The following ETV1 variants were observed in gnomAD, a reference collection of about 807,000 sequenced individuals.
ETV1 encodes ETS translocation variant 1.
In ETV1, 27 loss-of-function variants were observed where a neutral mutation model predicts 62.3. The ratio of observed to expected loss-of-function variants is 0.43; its 90% CI spans 0.32 to 0.60. ETV1 has a LOEUF of 0.60. ETV1 is among the 20% of genes least tolerant of loss of function. ETV1 has a pLI of 0.06. For synonymous variants in ETV1, 222 were observed against 199.6 expected (o/e 1.11, Z -0.94); for missense variants, 605 against 605.8 (o/e 1.00, Z 0.01).
intron 5 of ETV1, chr7:13,985,979 C>A (rs1461159034): frequency 7.2e-6 from 5 of 694,158 alleles, no homozygotes; most frequent in Admixed American, 6.0e-5. Context: ...TAAATAAATC[C>A]TAATAAAACT....
chr7:13,943,718 C>T (rs1191163663), intron 6 of ETV1, among the ~76,000 whole-genome samples: 2 of 151,924 alleles, frequency 1.3e-5, no homozygotes, highest in South Asian at 2.1e-4. Flanking sequence ...AACAGATGAT[C>T]TCACAGGTAC....
At position 13,900,859 on chromosome 7, in the gene ETV1, C is replaced by T. The variant is rs1230330052; in HGVS notation, c.1111-20G>A. 3 of 1,510,372 alleles carry T rather than the reference C, an allele frequency of 2.0e-6. No homozygotes were observed. The highest frequency in any genetic ancestry group is 2.7e-6 in the Non-Finnish European group (3 of 1,096,882). 93.6% of individuals were successfully genotyped at this position (1,510,372 alleles called of 1,614,324 possible). Reference sequence around the variant, plus strand: ...GGCCACCTGCCGCGAAACAGAATTACATTGTAGTGTTAAGTATTAACTTAT... The same window carrying T: ...GGCCACCTGCCGCGAAACAGAATTATATTGTAGTGTTAAGTATTAACTTAT... On this transcript the variant is annotated intron_variant, in intron 12 of 13. Transcript: ENST00000430479.
chr7:13,914,362 G>A (rs1472077065), intron 9 of ETV1, among the ~76,000 whole-genome samples: 1 of 151,968 alleles, frequency 6.6e-6, no homozygotes, highest in Non-Finnish European at 1.5e-5. Flanking sequence ...TGACATATTA[G>A]TACTGGCCAA....
rs78626843 is a variant in ETV1, at chr7:13,974,964, G to C, written c.235+2463C>G. On this transcript the variant is annotated intron_variant, in intron 6 of 13. Transcript: ENST00000430479. ...GCACAGGGACACTAGCAGGGATCAG[G>C]TGAGGATGTCCAATGGACAGCTTCG... The C allele has an allele frequency of 4.9e-3, 750 of 152,706 alleles. 6 individuals are homozygous for C. Among genetic ancestry groups the C allele is most frequent in the African/African-American group, 0.017 (706 of 41,614 alleles). The allele number at this position is 152,706 out of a possible 1,614,324, so 9.5% of individuals were successfully genotyped here.
chr7:13,911,354 G>T (rs768418090), intron 9 of ETV1, 47 bp from the exon 10 acceptor site: 2 of 1,365,168 alleles, frequency 1.5e-6, no homozygotes, highest in Non-Finnish European at 2.1e-6. Context: ...GAGCTGAAAC[G>T]CTGCGGTTAT....
At chr7:13,913,842 C>A (rs976713919) in intron 9 of ETV1, among the ~76,000 whole-genome samples, 1 of 149,848 alleles carries the variant, frequency 6.7e-6, no homozygotes, top group African/African-American at 2.5e-5. Context: ...TTAAGCCAGA[C>A]TCTCCAGTAG....
chr7:13,985,443 C>T (rs1379326196), intron 5 of ETV1: 1 of 152,042 alleles, frequency 6.6e-6, no homozygotes, highest in Non-Finnish European at 1.5e-5. Flanking sequence ...TGAAAAAGCT[C>T]TTTGGAGAAC....
Position 13,972,186 on chromosome 7 carries a change from T to A in ETV1, c.235+5241A>T, listed in dbSNP as rs563716002. Reference sequence around the variant, plus strand: ...TGGGTATGATGGCTCATGCCTGCAATCCTAGCACTTCAGGAGGCCGACTTG... The same window carrying A: ...TGGGTATGATGGCTCATGCCTGCAAACCTAGCACTTCAGGAGGCCGACTTG... On this transcript the variant is annotated intron_variant, in intron 6 of 13. Coordinates refer to ENST00000430479, the MANE Select transcript of ETV1 (RefSeq NM_004956.5). Among the ~76,000 whole-genome samples, 4 of 152,224 alleles carry A rather than the reference T, an allele frequency of 2.6e-5. No individual in the cohort carries two copies. In the East Asian group the frequency reaches 5.8e-4, roughly 22 times the overall value.
At chr7:13,988,551 C>T in intron 3 of ETV1, 1 of 779,174 alleles carries the variant, frequency 1.3e-6, no homozygotes, top group Non-Finnish European at 1.9e-6. Flanking sequence ...CCCTCCTCCC[C>T]ACCCCACCCC....
intron 13 of ETV1, among the ~76,000 whole-genome samples, chr7:13,897,251 C>A (rs1487164201): frequency 6.6e-6 from 1 of 152,126 alleles, no homozygotes; most frequent in African/African-American, 2.4e-5. Context: ...CTGAAGGTGA[C>A]ACAACACCTC....
At position 13,893,205 on chromosome 7, in the gene ETV1, A is replaced by G. The variant is rs990859674; in HGVS notation, c.*2661T>C. Reference sequence around the variant, plus strand: ...GATAAAAGCTGAGAGAAGACATTACATCATTAACAAATGATTTCTATGTTT... The same window carrying G: ...GATAAAAGCTGAGAGAAGACATTACGTCATTAACAAATGATTTCTATGTTT... On this transcript the variant is annotated 3_prime_UTR_variant, in exon 14 of 14. Coordinates refer to ENST00000430479, the MANE Select transcript of ETV1 (RefSeq NM_004956.5). 3.0e-5 allele frequency: 7 copies of G among 232,460 alleles called. No individual in the cohort carries two copies. Among genetic ancestry groups the G allele is most frequent in the African/African-American group, 1.3e-4 (6 of 45,334 alleles). The allele number at this position is 232,460 out of a possible 1,614,324, so 14.4% of individuals were successfully genotyped here. A position where few individuals can be genotyped will look rare whatever the true frequency, so the allele number is the denominator to read the frequency against.
intron 8 of ETV1, among the ~76,000 whole-genome samples, chr7:13,934,435 A>C (rs1786550055): frequency 6.6e-6 from 1 of 152,214 alleles, no homozygotes; most frequent in African/African-American, 2.4e-5. Context: ...TTATTTTCAG[A>C]AAGTTGCCAG....
At chr7:13,984,742 T>C (rs1007827276) in intron 5 of ETV1, among the ~76,000 whole-genome samples, 5 of 152,022 alleles carry the variant, frequency 3.3e-5, no homozygotes, top group Non-Finnish European at 7.4e-5. Flanking sequence ...AGGTCCATGT[T>C]CTTCCAAATA....
chr7:13,975,888 T>A (rs1160467260), intron 6 of ETV1, among the ~76,000 whole-genome samples: 3 of 152,220 alleles, frequency 2.0e-5, no homozygotes, highest in Admixed American at 6.5e-5. Context: ...TTACTTTGGA[T>A]GTAAAATATC....
At chr7:13,988,040 G>A (rs371597793) in intron 4 of ETV1, 46 bp downstream of exon 4, 9 of 1,021,750 alleles carry the variant, frequency 8.8e-6, no homozygotes, top group South Asian at 6.3e-5. Context: ...GCAGGGTGGA[G>A]AGTGTAGGTA....
chr7:13,982,684 T>C (rs1782113354), intron 5 of ETV1, among the ~76,000 whole-genome samples: 1 of 152,080 alleles, frequency 6.6e-6, no homozygotes, highest in Non-Finnish European at 1.5e-5. Context: ...TGGAGTTCTG[T>C]AATTCAATGC....
In ETV1 at chr7:13,978,951, C is replaced by A. The variant is rs59565101; in HGVS notation, c.182-1471G>T. Among the ~76,000 whole-genome samples, 1,121 of 152,108 alleles carry A rather than the reference C, an allele frequency of 7.4e-3. 13 individuals carry two copies. The highest frequency in any genetic ancestry group is 0.025 in the African/African-American group (1,056 of 41,546). On this transcript the variant is annotated intron_variant, in intron 5 of 13. Transcript: ENST00000430479. Reference sequence around the variant, plus strand: ...TAACCTTATTACCAATGCACTCTACCCCCGCTACCAAACAAAATCAAACAA... The same window carrying A: ...TAACCTTATTACCAATGCACTCTACACCCGCTACCAAACAAAATCAAACAA...
Position 13,903,124 on chromosome 7 carries a change from C to G in ETV1, c.1111-2285G>C, listed in dbSNP as rs560367142. Among the ~76,000 whole-genome samples, 14 of 152,252 alleles carry G rather than the reference C, an allele frequency of 9.2e-5. No individual in the cohort carries two copies. The South Asian group carries it at 1.2e-3, about 14-fold the overall frequency. On this transcript the variant is annotated intron_variant, in intron 12 of 13. Transcript: ENST00000430479. ...CACCATATCCAACACCACTCAAAGT[C>G]AAGGCATAGTTTCCAATATGGAGTG...
At chr7:13,926,560 C>T (rs1785449378) in intron 9 of ETV1, among the ~76,000 whole-genome samples, 1 of 152,054 alleles carries the variant, frequency 6.6e-6, no homozygotes, top group South Asian at 2.1e-4. Flanking sequence ...AGATGAAGCA[C>T]TCAATGTGTA....
Sources: gnomAD v4.1 joint callset for allele counts (sites outside exome capture counted in the v4.1 genomes callset) on GRCh38, gnomAD v4.1.1 for gene constraint, MANE v1.5 for transcripts, NCBI Gene and HGNC (gene_info 2026-07-23, HGNC 2026-07-21) for gene names.